XRCC5: variants seen among roughly 807,000 people sequenced by gnomAD.
The protein encoded by XRCC5 is X-ray repair cross complementing 5, also known as DNA repair protein Ku80.
In XRCC5, 12 loss-of-function variants were observed where a neutral mutation model predicts 95.7. The observed-to-expected ratio is 0.13, with a 90% CI of 0.08 to 0.20. XRCC5 has a LOEUF of 0.20. XRCC5 is among the 10% of genes least tolerant of loss of function. The pLI is 1.00. For missense variants in XRCC5, 595 were observed against 873.9 expected (o/e 0.68, Z 4.02); for synonymous variants, 281 against 290.3 (o/e 0.97, Z 0.33).
intron 19 of XRCC5, among the ~76,000 whole-genome samples, chr2:216,200,396 T>C (rs1428978814): frequency 2.6e-5 from 4 of 152,246 alleles, no homozygotes; most frequent in African/African-American, 9.6e-5. Context: ...CTTTGCTTTT[T>C]TCTGCTTTCA....
intron 19 of XRCC5, among the ~76,000 whole-genome samples, chr2:216,203,342 C>A (rs772457366): frequency 6.6e-6 from 1 of 152,222 alleles, no homozygotes; most frequent in Non-Finnish European, 1.5e-5. Flanking sequence ...AAAACACTCA[C>A]TCCTACAGGC....
chr2:216,173,244 G>T (rs981203986), intron 16 of XRCC5, among the ~76,000 whole-genome samples: 4 of 139,066 alleles, frequency 2.9e-5, no homozygotes, highest in Non-Finnish European at 6.8e-5. Context: ...GTACTGGCTG[G>T]AACTTCTGGC....
intron 19 of XRCC5, among the ~76,000 whole-genome samples, chr2:216,203,288 C>G (rs1689877041): frequency 6.6e-6 from 1 of 152,088 alleles, no homozygotes; most frequent in African/African-American, 2.4e-5. Flanking sequence ...GTTTCTGGCC[C>G]CCAAAGGAAA....
chr2:216,204,222 G>A (rs1398583301), intron 19 of XRCC5, 100 bp from the exon 20 acceptor site: 2 of 1,364,298 alleles, frequency 1.5e-6, no homozygotes, highest in Non-Finnish European at 2.1e-6. Context: ...CTGCTAAGCA[G>A]GCTGCCTTAG....
chr2:216,109,414 C>T lies in XRCC5; in HGVS notation c.-23C>T. 1 of 1,613,826 alleles carries T rather than the reference C, an allele frequency of 6.2e-7. No individual in the cohort carries two copies. The highest frequency in any genetic ancestry group is 8.5e-7 in the Non-Finnish European group (1 of 1,179,878). Reference sequence around the variant, plus strand: ...CAGGTTCCCGCCCGGAAGAAGCGACCAAAGCGCCTGAGGACCGGCAACATG... The same window carrying T: ...CAGGTTCCCGCCCGGAAGAAGCGACTAAAGCGCCTGAGGACCGGCAACATG... On this transcript the variant is annotated 5_prime_UTR_variant, in exon 1 of 21. Coordinates refer to ENST00000392132, the MANE Select transcript of XRCC5 (RefSeq NM_021141.4).
At chr2:216,191,712 A>G (rs1689616192) in intron 17 of XRCC5, among the ~76,000 whole-genome samples, 1 of 152,096 alleles carries the variant, frequency 6.6e-6, no homozygotes. Flanking sequence ...CGCCCGGCCA[A>G]GGGATATTTT....
intron 14 of XRCC5, among the ~76,000 whole-genome samples, chr2:216,151,611 A>G (rs1688746923): frequency 1.3e-5 from 2 of 152,174 alleles, no homozygotes; most frequent in African/African-American, 4.8e-5. Flanking sequence ...TAAAATAGGG[A>G]TAATAGGAAT....
chr2:216,132,096 T>A (rs1697004939), intron 9 of XRCC5, among the ~76,000 whole-genome samples: 1 of 152,192 alleles, frequency 6.6e-6, no homozygotes, highest in Non-Finnish European at 1.5e-5. Context: ...AAGGGCAAGA[T>A]TATGTTTTGT....
chr2:216,152,636 C>T (rs1186817941), intron 14 of XRCC5, among the ~76,000 whole-genome samples: 1 of 151,120 alleles, frequency 6.6e-6, no homozygotes, highest in East Asian at 1.9e-4. Context: ...TGCCCTGGAT[C>T]CTTTTTTTTC....
At chr2:216,141,588 C>CA (rs987891728) in intron 13 of XRCC5, among the ~76,000 whole-genome samples, 2 of 94,978 alleles carry the variant, frequency 2.1e-5, no homozygotes, top group Non-Finnish European at 3.7e-5. Flanking sequence ...CTTACTTTAA[C>CA]AAAAAAAATA....
At chr2:216,136,348 C>G (rs1162276418) in intron 10 of XRCC5, among the ~76,000 whole-genome samples, 3 of 117,806 alleles carry the variant, frequency 2.5e-5, no homozygotes, top group African/African-American at 1.0e-4. Context: ...AAGAGCGAAA[C>G]TGTGTCTCAA....
intron 16 of XRCC5, 62 bp downstream of exon 16, chr2:216,162,110 AGATT>A: frequency 2.1e-6 from 3 of 1,463,408 alleles, no homozygotes; most frequent in South Asian, 2.3e-5. Context: ...TTTAAAGTCT[AGATT>A]AAGAACTGTA....
intron 14 of XRCC5, among the ~76,000 whole-genome samples, chr2:216,157,136 C>G (rs953755935): frequency 2.0e-5 from 3 of 152,170 alleles, no homozygotes; most frequent in African/African-American, 7.2e-5. Flanking sequence ...TTTAATGCTC[C>G]TAATTAATGT....
At chr2:216,132,813 T>A (rs1324256424) in intron 10 of XRCC5, among the ~76,000 whole-genome samples, 1 of 152,206 alleles carries the variant, frequency 6.6e-6, no homozygotes, top group African/African-American at 2.4e-5. Flanking sequence ...TACTCTGTTT[T>A]CAGGCTGGTT....
At position 216,205,239 on chromosome 2, in the gene XRCC5, C is replaced by T. The variant is rs146115128; in HGVS notation, c.*37C>T. 1.9e-5 allele frequency: 30 copies of T among 1,613,668 alleles called. No homozygotes were observed. In the East Asian group the frequency reaches 5.1e-4, roughly 28 times the overall value. ...ATGGGGAATCTAAGAGAGCTGCCAT[C>T]GCTGTGATGCTGGGAGTTCTAACAA... On this transcript the variant is annotated 3_prime_UTR_variant, in exon 21 of 21. Transcript: ENST00000392132.
chr2:216,115,396 A>T (rs149932044), intron 2 of XRCC5, among the ~76,000 whole-genome samples: 1 of 152,248 alleles, frequency 6.6e-6, no homozygotes, highest in Admixed American at 6.5e-5. Flanking sequence ...CCCATGACTG[A>T]GATTTTGTCT....
chr2:216,135,200 T>C (rs926326493), intron 10 of XRCC5, among the ~76,000 whole-genome samples: 2 of 152,056 alleles, frequency 1.3e-5, no homozygotes, highest in African/African-American at 4.8e-5. Context: ...AAGTACATAG[T>C]GTTTGGGGAG....
chr2:216,196,826 T>C (rs947647011), intron 19 of XRCC5, among the ~76,000 whole-genome samples: 5 of 152,202 alleles, frequency 3.3e-5, no homozygotes, highest in Non-Finnish European at 5.9e-5. Flanking sequence ...TCTAGAGTAG[T>C]GTTTGATGGA....
intron 11 of XRCC5, 65 bp from the exon 12 acceptor site, chr2:216,138,024 G>A (rs1360050154): frequency 5.2e-6 from 7 of 1,355,564 alleles, no homozygotes; most frequent in Admixed American, 2.0e-5. Flanking sequence ...CAGAATTTGG[G>A]ATCAGTTTTA....
Sources: gnomAD v4.1 joint callset for allele counts (sites outside exome capture counted in the v4.1 genomes callset) on GRCh38, gnomAD v4.1.1 for gene constraint, MANE v1.5 for transcripts, NCBI Gene and HGNC (gene_info 2026-07-23, HGNC 2026-07-21) for gene names.